PAK2: variants seen among roughly 807,000 people sequenced by gnomAD.
The protein encoded by PAK2 is serine/threonine-protein kinase PAK 2.
PAK2 carries 21 observed loss-of-function variants against 65.9 expected under a neutral mutation model. The ratio of observed to expected loss-of-function variants is 0.32; its 90% CI spans 0.23 to 0.46. The LOEUF is 0.46. PAK2 is among the 20% of genes least tolerant of loss of function. PAK2 has a pLI of 1.00. For synonymous variants in PAK2, 204 were observed against 219.7 expected, an observed-to-expected ratio of 0.93 and a Z score of 0.63; for missense variants, 324 against 642.6, an observed-to-expected ratio of 0.50 and a Z score of 5.36.
At chr3:196,755,613 C>T (rs1236197612) in intron 1 of PAK2, among the ~76,000 whole-genome samples, 3 of 152,102 alleles carry the variant, frequency 2.0e-5, no homozygotes, top group Non-Finnish European at 2.9e-5. Flanking sequence ...TATGTGCCAC[C>T]ACGCCTGGCT....
intron 1 of PAK2, among the ~76,000 whole-genome samples, chr3:196,744,238 TATTAA>T (rs979114811): frequency 1.3e-5 from 2 of 152,000 alleles, no homozygotes; most frequent in Non-Finnish European, 2.9e-5. Flanking sequence ...TAGAAAAAAA[TATTAA>T]ATAAGAAATT....
At chr3:196,819,359 T>C (rs1048666658) in intron 12 of PAK2, among the ~76,000 whole-genome samples, 1 of 152,138 alleles carries the variant, frequency 6.6e-6, no homozygotes, top group African/African-American at 2.4e-5. Context: ...GGAGGATGGC[T>C]TGAGCACAGG....
At chr3:196,824,423 G>C (rs1019319097) in intron 13 of PAK2, among the ~76,000 whole-genome samples, 1 of 152,120 alleles carries the variant, frequency 6.6e-6, no homozygotes, top group African/African-American at 2.4e-5. Context: ...CAACTGGAAC[G>C]GACAGAAGTT....
At chr3:196,801,675 A>G (rs770712849) in intron 2 of PAK2, among the ~76,000 whole-genome samples, 30 of 151,940 alleles carry the variant, frequency 2.0e-4, no homozygotes, top group Middle Eastern at 3.2e-3. Context: ...TCTACTAAAA[A>G]TACAAAAATT....
chr3:196,779,958 G>C (rs1221942103), intron 1 of PAK2, among the ~76,000 whole-genome samples: 1 of 152,210 alleles, frequency 6.6e-6, no homozygotes, highest in Non-Finnish European at 1.5e-5. Flanking sequence ...ACCGCGCCCA[G>C]CCGCAATGTT....
intron 13 of PAK2, among the ~76,000 whole-genome samples, chr3:196,821,252 A>C (rs968251774): frequency 2.0e-5 from 3 of 152,056 alleles, no homozygotes; most frequent in African/African-American, 7.2e-5. Flanking sequence ...GCTTGAACCC[A>C]GGAGGTGGCA....
chr3:196,763,761 G>GCACT (rs142633860), intron 1 of PAK2, among the ~76,000 whole-genome samples: 2,283 of 152,198 alleles, frequency 0.015, 54 homozygotes, highest in African/African-American at 0.052. Context: ...GAAAGGAAAG[G>GCACT]CACTCAGATC....
intron 1 of PAK2, among the ~76,000 whole-genome samples, chr3:196,756,350 C>T (rs1713768817): frequency 6.6e-6 from 1 of 152,132 alleles, no homozygotes; most frequent in African/African-American, 2.4e-5. Flanking sequence ...AAAAGCAATT[C>T]TGGGTTTTTT....
intron 7 of PAK2, among the ~76,000 whole-genome samples, chr3:196,809,082 A>G (rs960602592): frequency 5.3e-5 from 8 of 151,248 alleles, no homozygotes; most frequent in Admixed American, 4.0e-4. Context: ...CCTCAAAAAA[A>G]AAAGAAAAAA....
At chr3:196,758,775 C>G (rs1439566604) in intron 1 of PAK2, among the ~76,000 whole-genome samples, 1 of 152,160 alleles carries the variant, frequency 6.6e-6, no homozygotes, top group Non-Finnish European at 1.5e-5. Flanking sequence ...CATGCCTCAG[C>G]CTCCTGAGTA....
Position 196,826,071 on chromosome 3 carries a change from C to T in PAK2, c.1351-1125C>T, listed in dbSNP as rs185922915. Among the ~76,000 whole-genome samples the T allele has an allele frequency of 4.8e-3, 732 of 151,914 alleles. 5 individuals are homozygous for T. The highest frequency in any genetic ancestry group is 6.9e-3 in the Non-Finnish European group (471 of 67,968). On this transcript the variant is annotated intron_variant, in intron 13 of 14. Transcript: ENST00000327134. ...TTTGCCATGTTGCCCAGCCTGGTCT[C>T]GAGCTCCTGAGCCCAGGCAATCCAC...
chr3:196,748,538 G>A (rs1200632825), intron 1 of PAK2, among the ~76,000 whole-genome samples: 1 of 152,044 alleles, frequency 6.6e-6, no homozygotes, highest in Non-Finnish European at 1.5e-5. Context: ...TACCTCCATC[G>A]CAATGCCTTT....
chr3:196,795,547 T>TTA (rs1715230520), intron 2 of PAK2, among the ~76,000 whole-genome samples: 1 of 151,352 alleles, frequency 6.6e-6, no homozygotes, highest in African/African-American at 2.5e-5. Flanking sequence ...GAAAGACTCA[T>TTA]TATATATATA....
In PAK2 at chr3:196,828,551, C is replaced by G. The variant is rs3659; in HGVS notation, c.*146C>G. ...CAAATGACTATTCTCTGAAGACAAC[C>G]AAGAGAAAATTGCAAAAAGACAAGT... On this transcript the variant is annotated 3_prime_UTR_variant, in exon 15 of 15. Coordinates refer to ENST00000327134, the MANE Select transcript of PAK2 (RefSeq NM_002577.4). 0.12 allele frequency: 73,217 copies of G among 634,948 alleles called. 5,224 individuals carry two copies. Among genetic ancestry groups the G allele is most frequent in the Middle Eastern group, 0.18 (425 of 2,340 alleles). 39.3% of individuals were successfully genotyped at this position (634,948 alleles called of 1,614,324 possible). A position where few individuals can be genotyped will look rare whatever the true frequency, so the allele number is the denominator to read the frequency against.
intron 2 of PAK2, among the ~76,000 whole-genome samples, chr3:196,790,837 C>T (rs1715044347): frequency 1.3e-5 from 2 of 152,148 alleles, no homozygotes. Context: ...CACCTGGTCG[C>T]CCCCACCCTG....
chr3:196,805,277 CTT>C (rs368708603), intron 4 of PAK2, 73 bp from the exon 5 acceptor site: 149 of 615,470 alleles, frequency 2.4e-4, no homozygotes, highest in East Asian at 4.2e-4. Context: ...ACTTTCTCTG[CTT>C]TTTTTTTTTC....
At chr3:196,764,131 C>T (rs1305646086) in intron 1 of PAK2, among the ~76,000 whole-genome samples, 1 of 151,698 alleles carries the variant, frequency 6.6e-6, no homozygotes, top group Non-Finnish European at 1.5e-5. Context: ...TTGCAGAAAA[C>T]AATTGGCTTT....
chr3:196,754,071 T>C (rs1431737591), intron 1 of PAK2, among the ~76,000 whole-genome samples: 1 of 152,196 alleles, frequency 6.6e-6, no homozygotes, highest in Non-Finnish European at 1.5e-5. Flanking sequence ...GTTGGCTTTA[T>C]TTCTGCTATT....
At chr3:196,809,340 A>G (rs1242100973) in intron 7 of PAK2, among the ~76,000 whole-genome samples, 3 of 122,412 alleles carry the variant, frequency 2.5e-5, no homozygotes, top group African/African-American at 9.1e-5. Context: ...CTCTGTTATT[A>G]TTATTATCTT....
Sources: allele counts gnomAD v4.1 joint callset (sites outside exome capture counted in the v4.1 genomes callset), GRCh38; gene constraint gnomAD v4.1.1; transcripts MANE v1.5; gene names NCBI Gene and HGNC (gene_info 2026-07-23, HGNC 2026-07-21).